The following SUCLG2 variants were observed in gnomAD, a reference collection of about 807,000 sequenced individuals.
SUCLG2 encodes succinate--CoA ligase [GDP-forming] subunit beta, mitochondrial.
SUCLG2 carries 42 observed loss-of-function variants against 47.9 expected under a neutral mutation model. The observed-to-expected ratio is 0.88, with a 90% CI of 0.69 to 1.14. SUCLG2 has a LOEUF of 1.14. Among genes scored for constraint, SUCLG2 ranks in the 50% most tolerant of loss-of-function variants. SUCLG2 has a pLI of 0.00. For missense variants in SUCLG2, 571 were observed against 525.9 expected, an observed-to-expected ratio of 1.09 and a Z score of -0.84; for synonymous variants, 195 against 197.3, an observed-to-expected ratio of 0.99 and a Z score of 0.10.
chr3:67,579,556 A>G (rs1016431078), intron 2 of SUCLG2, among the ~76,000 whole-genome samples: 2 of 152,182 alleles, frequency 1.3e-5, no homozygotes, highest in Admixed American at 6.5e-5. Flanking sequence ...CTGCCACTAA[A>G]TTACAAACCA....
At chr3:67,391,879 T>A (rs1414809176) in intron 10 of SUCLG2, among the ~76,000 whole-genome samples, 1 of 152,128 alleles carries the variant, frequency 6.6e-6, no homozygotes, top group Non-Finnish European at 1.5e-5. Context: ...TAATTTTCCA[T>A]CTTCTATTCT....
intron 9 of SUCLG2, among the ~76,000 whole-genome samples, chr3:67,482,748 C>G (rs756686053): frequency 6.6e-6 from 1 of 152,172 alleles, no homozygotes; most frequent in Non-Finnish European, 1.5e-5. Flanking sequence ...ACGGAAGATT[C>G]TAAGTCACTT....
chr3:67,401,175 TA>T (rs1702676681), intron 9 of SUCLG2, among the ~76,000 whole-genome samples: 1 of 152,188 alleles, frequency 6.6e-6, no homozygotes, highest in Non-Finnish European at 1.5e-5. Flanking sequence ...TTTTTATGAG[TA>T]GTATCATTTA....
chr3:67,500,752 C>T (rs1234647841), intron 7 of SUCLG2, among the ~76,000 whole-genome samples: 2 of 152,172 alleles, frequency 1.3e-5, no homozygotes, highest in Non-Finnish European at 2.9e-5. Flanking sequence ...TTATAACTGA[C>T]ACCTTCAAAA....
intron 9 of SUCLG2, among the ~76,000 whole-genome samples, chr3:67,425,511 C>T (rs1262090530): frequency 6.6e-6 from 1 of 151,992 alleles, no homozygotes; most frequent in Non-Finnish European, 1.5e-5. Flanking sequence ...CTGTTGGGGG[C>T]CTAAGCATAA....
At chr3:67,464,388 C>G (rs897913219) in intron 9 of SUCLG2, among the ~76,000 whole-genome samples, 1 of 152,186 alleles carries the variant, frequency 6.6e-6, no homozygotes, top group Non-Finnish European at 1.5e-5. Context: ...GCTTTTTGAT[C>G]TGGCATTTCT....
At chr3:67,541,363 A>G (rs1042213892) in intron 2 of SUCLG2, among the ~76,000 whole-genome samples, 1 of 152,178 alleles carries the variant, frequency 6.6e-6, no homozygotes, top group Non-Finnish European at 1.5e-5. Flanking sequence ...AAGAACATAA[A>G]TGACCTAATG....
intron 1 of SUCLG2, among the ~76,000 whole-genome samples, chr3:67,625,012 C>T (rs1277270703): frequency 6.6e-6 from 1 of 152,150 alleles, no homozygotes; most frequent in African/African-American, 2.4e-5. Flanking sequence ...CATACTATAC[C>T]CTCTTAAAAT....
At chr3:67,488,114 T>C (rs1279766633) in intron 9 of SUCLG2, among the ~76,000 whole-genome samples, 2 of 151,790 alleles carry the variant, frequency 1.3e-5, no homozygotes, top group African/African-American at 2.4e-5. Flanking sequence ...TGTGTGTATA[T>C]ATATATATTT....
intron 2 of SUCLG2, among the ~76,000 whole-genome samples, chr3:67,539,078 A>G (rs577545480): frequency 6.6e-6 from 1 of 152,296 alleles, no homozygotes; most frequent in African/African-American, 2.4e-5. Context: ...TGTCCTGGCC[A>G]CATCTTCTAA....
chr3:67,535,131 G>A (rs1248616402), intron 2 of SUCLG2, among the ~76,000 whole-genome samples: 5 of 152,058 alleles, frequency 3.3e-5, no homozygotes, highest in Non-Finnish European at 5.9e-5. Flanking sequence ...TTATGTGTAT[G>A]TATTTAAAGG....
chr3:67,545,031 T>C (rs1051343902), intron 2 of SUCLG2, among the ~76,000 whole-genome samples: 1 of 152,154 alleles, frequency 6.6e-6, no homozygotes, highest in Non-Finnish European at 1.5e-5. Context: ...CCCAACCAGG[T>C]AAGCTAACTC....
chr3:67,397,371 C>T (rs1259226647), intron 10 of SUCLG2, among the ~76,000 whole-genome samples: 53 of 151,722 alleles, frequency 3.5e-4, no homozygotes, highest in Non-Finnish European at 6.9e-4. Flanking sequence ...CATTCTTATA[C>T]ACCAATAACA....
At chr3:67,555,316 G>A (rs1707129438) in intron 2 of SUCLG2, among the ~76,000 whole-genome samples, 1 of 152,098 alleles carries the variant, frequency 6.6e-6, no homozygotes, top group Admixed American at 6.6e-5. Flanking sequence ...AATGTACATA[G>A]GGAGGGTAAA....
At chr3:67,511,007 C>T (rs1705773235) in intron 6 of SUCLG2, among the ~76,000 whole-genome samples, 1 of 151,582 alleles carries the variant, frequency 6.6e-6, no homozygotes, top group Non-Finnish European at 1.5e-5. Context: ...TCCCCTGCCT[C>T]AGCCTCCCGA....
chr3:67,499,022 G>A (rs1575736864), intron 7 of SUCLG2, among the ~76,000 whole-genome samples: 2 of 152,140 alleles, frequency 1.3e-5, no homozygotes, highest in African/African-American at 2.4e-5. Flanking sequence ...CAATATGAAC[G>A]AAGTTTGGTA....
At chr3:67,405,677 AG>A (rs1702787452) in intron 9 of SUCLG2, among the ~76,000 whole-genome samples, 1 of 152,176 alleles carries the variant, frequency 6.6e-6, no homozygotes. Context: ...TGTATTCAGG[AG>A]AGGGCTATGA....
intron 9 of SUCLG2, among the ~76,000 whole-genome samples, chr3:67,492,129 A>G (rs947300095): frequency 3.3e-5 from 5 of 152,222 alleles, no homozygotes; most frequent in African/African-American, 1.2e-4. Flanking sequence ...ACCAGGAAGT[A>G]CAATCAAATC....
chr3:67,444,021 G>T (rs1439812399), intron 9 of SUCLG2, among the ~76,000 whole-genome samples: 4 of 122,314 alleles, frequency 3.3e-5, no homozygotes. Context: ...GGGGGGGTCA[G>T]CCCCCCGCCT....
Sources: gnomAD v4.1 joint callset for allele counts (sites outside exome capture counted in the v4.1 genomes callset) on GRCh38, gnomAD v4.1.1 for gene constraint, MANE v1.5 for transcripts, NCBI Gene and HGNC (gene_info 2026-07-23, HGNC 2026-07-21) for gene names.